The following CTXN2 variants were observed in gnomAD, a reference collection of about 807,000 sequenced individuals.
CTXN2 encodes the protein cortexin-2.
In CTXN2, 3 loss-of-function variants were observed where a neutral mutation model predicts 5.7. The observed-to-expected ratio is 0.53, with a 90% CI of 0.24 to 1.36. The LOEUF is 1.36. Ranked by LOEUF, CTXN2 falls within the 40% of genes most tolerant of loss-of-function variation. The pLI is 0.17. For synonymous variants in CTXN2, 38 were observed against 36.4 expected (o/e 1.04, Z -0.16); for missense variants, 87 against 93.0 (o/e 0.94, Z 0.26).
Position 48,186,267 on chromosome 15 carries a change from A to G in CTXN2, c.-454-5190A>G, listed in dbSNP as rs558450993. On this transcript the variant is annotated intron_variant, in intron 1 of 2. Coordinates refer to the CTXN2 transcript ENST00000644354. The stretch of plus-strand genomic sequence containing the variant: ...TAAATAGAACACTCTGAACTGAAAC[A>G]TTTAGTACATTTTTCTTTGCAGAAA... Among the ~76,000 whole-genome samples, 3 of 152,330 alleles carry G rather than the reference A, an allele frequency of 2.0e-5. No individual in the cohort carries two copies. The South Asian group carries it at 6.2e-4, about 32-fold the overall frequency.
chr15:48,183,650 T>C (rs1200582980), intron 1 of CTXN2, among the ~76,000 whole-genome samples: 2 of 152,244 alleles, frequency 1.3e-5, no homozygotes, highest in African/African-American at 4.8e-5. Context: ...TTGTGTGTGT[T>C]AGATTTAAAA....
At position 48,202,655 on chromosome 15, in the gene CTXN2, A is replaced by G. The variant is rs1254289191; in HGVS notation, c.*1109A>G. ...TAATGAATGTGAAAGCATTTTGTAA[A>G]CCATAAAACAGTATCTAAACATACC... is the stretch of plus-strand genomic sequence containing the variant. On this transcript the variant is annotated 3_prime_UTR_variant, in exon 2 of 2. Transcript: ENST00000417307. The G allele has an allele frequency of 6.0e-6, 1 of 167,060 alleles. No homozygotes were observed. Among genetic ancestry groups the G allele is most frequent in the Non-Finnish European group, 1.5e-5 (1 of 68,106 alleles). The allele number at this position is 167,060 out of a possible 1,614,324, so 10.3% of individuals were successfully genotyped here. A position where few individuals can be genotyped will look rare whatever the true frequency, so the allele number is the denominator to read the frequency against.
At chr15:48,194,288 A>T (rs1479434587) in intron 1 of CTXN2, among the ~76,000 whole-genome samples, 5 of 152,090 alleles carry the variant, frequency 3.3e-5, no homozygotes, top group African/African-American at 1.2e-4. Context: ...TTCCTTTAAA[A>T]ACTGAATATG....
Position 48,201,292 on chromosome 15 carries a change from C to T in CTXN2, c.-9C>T. 6.4e-7 allele frequency: 1 copy of T among 1,550,546 alleles called. No individual in the cohort carries two copies. The highest frequency in any genetic ancestry group is 1.4e-5 in the African/African-American group (1 of 73,092). ...ACTGTGAAGAGCCACAACAATGTGC[C>T]AGTGAATAATGAGTAGTACCTACTG... On this transcript the variant is annotated 5_prime_UTR_variant, in exon 2 of 2. An upstream open reading frame in the 5' UTR gains an earlier in-frame stop. Coordinates refer to ENST00000417307, the MANE Select transcript of CTXN2 (RefSeq NM_001145668.2).
Position 48,184,217 on chromosome 15 carries a change from C to G in CTXN2, c.-455+5817C>G, listed in dbSNP as rs529906407. Among the ~76,000 whole-genome samples, 3 of 152,270 alleles carry G rather than the reference C, an allele frequency of 2.0e-5. No individual in the cohort carries two copies. The East Asian group carries it at 5.8e-4, about 29-fold the overall frequency. ...TCTTTCTGATTATCTCCTATAGTTG[C>G]CTAAAGTGTCTTCGCATCTCACCAG... On this transcript the variant is annotated intron_variant, in intron 1 of 2. Transcript: ENST00000644354.
chr15:48,197,726 A>G (rs1225366595), intron 1 of CTXN2, among the ~76,000 whole-genome samples: 1 of 152,134 alleles, frequency 6.6e-6, no homozygotes, highest in Non-Finnish European at 1.5e-5. Flanking sequence ...ATTTGTACCA[A>G]TAATAGAGAC....
At chr15:48,191,068 A>G (rs2040815237), upstream of CTXN2, 1 of 152,398 alleles carries the variant, frequency 6.6e-6, no homozygotes, top group Non-Finnish European at 1.5e-5. Flanking sequence ...TCTCCTAGAA[A>G]CGGAAGGGGA....
upstream of CTXN2, among the ~76,000 whole-genome samples, chr15:48,186,696 C>T (rs564063675): frequency 2.0e-5 from 3 of 151,790 alleles, no homozygotes; most frequent in African/African-American, 7.2e-5. Context: ...GTCAGGAGTT[C>T]GAGACCAGCC....
At chr15:48,183,617 T>G (rs751378860) in intron 1 of CTXN2, among the ~76,000 whole-genome samples, 2 of 152,246 alleles carry the variant, frequency 1.3e-5, no homozygotes, top group Non-Finnish European at 2.9e-5. Flanking sequence ...CATTTTATTT[T>G]GTTTTAACAA....
chr15:48,182,129 G>A (rs934120869), intron 1 of CTXN2, among the ~76,000 whole-genome samples: 17 of 150,978 alleles, frequency 1.1e-4, no homozygotes, highest in African/African-American at 3.9e-4. Flanking sequence ...CTCTCCCTCC[G>A]TATCTCTGTA....
intron 1 of CTXN2, among the ~76,000 whole-genome samples, chr15:48,198,264 TA>T (rs1186745575): frequency 6.6e-6 from 1 of 152,128 alleles, no homozygotes; most frequent in Non-Finnish European, 1.5e-5. Flanking sequence ...TGAAATCAAA[TA>T]AAAATTTTCT....
chr15:48,196,894 A>C (rs2040884704), intron 1 of CTXN2, among the ~76,000 whole-genome samples: 1 of 151,968 alleles, frequency 6.6e-6, no homozygotes, highest in African/African-American at 2.4e-5. Context: ...ATGGTCTGTA[A>C]TTTCTCAAAA....
intron 1 of CTXN2, among the ~76,000 whole-genome samples, chr15:48,195,247 C>A (rs1467140787): frequency 6.6e-6 from 1 of 151,942 alleles, no homozygotes; most frequent in Non-Finnish European, 1.5e-5. Flanking sequence ...TCTCCTTGGG[C>A]CCACTACTTT....
At chr15:48,192,320 T>C (rs1187783121) in intron 1 of CTXN2, 1 of 153,934 alleles carries the variant, frequency 6.5e-6, no homozygotes. Flanking sequence ...AAAGATTCTC[T>C]TAAGAGAGAA....
At chr15:48,200,541 G>A (rs2040919986) in intron 1 of CTXN2, among the ~76,000 whole-genome samples, 1 of 152,168 alleles carries the variant, frequency 6.6e-6, no homozygotes, top group Admixed American at 6.5e-5. Flanking sequence ...TACTTAGAGT[G>A]TTCTGAAGGC....
intron 1 of CTXN2, among the ~76,000 whole-genome samples, chr15:48,179,438 AACAC>A (rs1271098215): frequency 2.0e-5 from 3 of 151,010 alleles, no homozygotes; most frequent in Non-Finnish European, 3.0e-5. Context: ...CACATACACA[AACAC>A]ACACACACAT....
upstream of CTXN2, among the ~76,000 whole-genome samples, chr15:48,188,398 GT>G (rs1184254606): frequency 4.6e-5 from 7 of 152,226 alleles, no homozygotes; most frequent in Admixed American, 3.9e-4. Flanking sequence ...GTTGATTTAA[GT>G]GAGGTATGAA....
rs1418815656 is a variant in CTXN2 at position 48,202,372 on chromosome 15, C to T, written c.*826C>T. On this transcript the variant is annotated 3_prime_UTR_variant, in exon 2 of 2. Coordinates refer to ENST00000417307, the MANE Select transcript of CTXN2 (RefSeq NM_001145668.2). Reference sequence around the variant, plus strand: ...TTCAGTGAAGAGTAGTGTTAACATCCTTTTCAATTCTAGTGCCCTATGAAT... The same window carrying T: ...TTCAGTGAAGAGTAGTGTTAACATCTTTTTCAATTCTAGTGCCCTATGAAT... 3.0e-5 allele frequency: 5 copies of T among 167,008 alleles called. No homozygotes were observed. Among genetic ancestry groups the T allele is most frequent in the African/African-American group, 1.2e-4 (5 of 41,436 alleles). The allele number at this position is 167,008 out of a possible 1,614,324, so 10.3% of individuals were successfully genotyped here.
Position 48,201,327 on chromosome 15 carries a change from T to C in CTXN2, c.27T>C (p.Ser9=), listed in dbSNP as rs1362182534. MSSTYCGN[S]SAKMSVNEVS... is the part of the protein sequence containing the mutation. ...TGAGTAGTACCTACTGTGGCAACTC[T>C]TCAGCTAAGATGAGTGTCAACGAAG... The change falls in exon 2 of 2, where the codon TCT becomes TCC. Residue 9 remains serine, a synonymous_variant. Coordinates refer to ENST00000417307, the MANE Select transcript of CTXN2 (RefSeq NM_001145668.2). 1 of 1,551,266 alleles carries C rather than the reference T, an allele frequency of 6.4e-7. No homozygotes were observed. The highest frequency in any genetic ancestry group is 1.4e-5 in the African/African-American group (1 of 73,166).
Sources: allele counts gnomAD v4.1 joint callset (sites outside exome capture counted in the v4.1 genomes callset), GRCh38; gene constraint gnomAD v4.1.1; transcripts MANE v1.5; gene names NCBI Gene and HGNC (gene_info 2026-07-23, HGNC 2026-07-21).